Variants in LIMA1 observed in about 807,000 individuals in gnomAD.
LIMA1 encodes LIM domain and actin-binding protein 1.
A neutral mutation model predicts 62.6 loss-of-function variants in LIMA1; 52 were observed. That is an observed-to-expected ratio of 0.83 (90% CI 0.67 to 1.05). LIMA1 has a LOEUF of 1.05. Among genes scored for constraint, LIMA1 ranks in the 50% least tolerant of loss-of-function variants. The probability of loss-of-function intolerance (pLI) is 0.00; values close to 1 mark genes in which losing one functional copy is unlikely to be tolerated. For synonymous variants in LIMA1, 302 were observed against 317.8 expected (o/e 0.95, Z 0.53); for missense variants, 780 against 902.2 (o/e 0.86, Z 1.74).
chr12:50,270,282 C>A (rs192504468), intron 1 of LIMA1, among the ~76,000 whole-genome samples: 111 of 136,874 alleles, frequency 8.1e-4, no homozygotes, highest in African/African-American at 2.9e-3. Flanking sequence ...TAGGTGTTAT[C>A]AACGCATCAA....
chr12:50,216,232 C>T (rs1324446742), intron 4 of LIMA1, among the ~76,000 whole-genome samples: 2 of 151,956 alleles, frequency 1.3e-5, no homozygotes, highest in South Asian at 2.1e-4. Context: ...CTTTTCTTTT[C>T]GAGAGAAGTT....
intron 2 of LIMA1, among the ~76,000 whole-genome samples, chr12:50,243,801 T>C (rs749086680): frequency 1.3e-5 from 2 of 152,212 alleles, no homozygotes; most frequent in Non-Finnish European, 2.9e-5. Context: ...CAAACTCAAA[T>C]ATTAACTTCA....
rs551617837 is a variant in LIMA1 at position 50,223,249 on chromosome 12, C to T, written c.166-764G>A. 3.9e-5 allele frequency among the ~76,000 whole-genome samples: 6 copies of T among 152,052 alleles called. No homozygotes were observed. In the South Asian group the frequency reaches 1.2e-3, roughly 32 times the overall value. On this transcript the variant is annotated intron_variant, in intron 3 of 10. Coordinates refer to ENST00000341247, the MANE Select transcript of LIMA1 (RefSeq NM_016357.5). The stretch of plus-strand genomic sequence containing the variant: ...CCTGTAATCCCAGCACTTTGGGAGG[C>T]CGAGGCCGGCGGATCACAAGGTCAG...
At chr12:50,190,339 C>A (rs1940729453) in intron 9 of LIMA1, 1 of 150,638 alleles carries the variant, frequency 6.6e-6, no homozygotes, top group Non-Finnish European at 1.5e-5. Context: ...AATGTTATAC[C>A]CTTAGTATAA....
At chr12:50,211,972 A>AC (rs141978158) in intron 4 of LIMA1, among the ~76,000 whole-genome samples, 56,406 of 152,036 alleles carry the variant, frequency 0.37, 11,191 homozygotes, top group African/African-American at 0.5. Context: ...GCCTGGCCTC[A>AC]CCCACCCTGA....
chr12:50,195,692 T>C (rs1940912402), intron 8 of LIMA1, 138 bp downstream of exon 8: 1 of 782,874 alleles, frequency 1.3e-6, no homozygotes, highest in Non-Finnish European at 2.0e-6. Flanking sequence ...TAAAGGACAT[T>C]CAAGCATTAG....
intron 4 of LIMA1, among the ~76,000 whole-genome samples, chr12:50,210,810 T>A (rs1359073882): frequency 6.6e-6 from 1 of 152,188 alleles, no homozygotes; most frequent in Non-Finnish European, 1.5e-5. Flanking sequence ...AAACTCTGCA[T>A]TAATTTATTT....
Position 50,222,374 on chromosome 12 carries a change from T to C in LIMA1, c.277A>G (p.Ser93Gly), listed in dbSNP as rs760446106. ...AESHTDSLRN[S>G]STEIRHRADH... Reference sequence around the variant, plus strand: ...GCTCTGTGCCTAATCTCAGTGCTGCTGTTCCGTAGAGAGTCTGTGTGAGAC... The same window carrying C: ...GCTCTGTGCCTAATCTCAGTGCTGCCGTTCCGTAGAGAGTCTGTGTGAGAC... The change falls in exon 4 of 11, where the codon AGC becomes GGC. Residue 93 changes from serine to glycine, a missense_variant. By Grantham distance (56) the Ser-to-Gly change is moderately conservative. Coordinates refer to ENST00000341247, the MANE Select transcript of LIMA1 (RefSeq NM_016357.5). 6.2e-7 allele frequency: 1 copy of C among 1,614,168 alleles called. No homozygotes were observed. The highest frequency in any genetic ancestry group is 1.1e-5 in the South Asian group (1 of 91,082).
intron 7 of LIMA1, among the ~76,000 whole-genome samples, chr12:50,197,090 T>TC: frequency 6.6e-6 from 1 of 151,128 alleles, no homozygotes; most frequent in South Asian, 2.1e-4. Flanking sequence ...TTTTTTTTTT[T>TC]GAATGGAGTC....
At chr12:50,250,901 AG>A (rs1941921844) in intron 1 of LIMA1, among the ~76,000 whole-genome samples, 1 of 152,236 alleles carries the variant, frequency 6.6e-6, no homozygotes, top group South Asian at 2.1e-4. Context: ...AAGATAAAGA[AG>A]AAAAGACCCT....
At chr12:50,231,561 C>T (rs770609972) in intron 3 of LIMA1, 104 bp downstream of exon 3, 58 of 1,005,402 alleles carry the variant, frequency 5.8e-5, no homozygotes, top group Non-Finnish European at 8.4e-5. Flanking sequence ...CACAAATGTC[C>T]ACTCAGCTGA....
At chr12:50,277,536 ATGAGGCTC>A (rs1356110723) in intron 1 of LIMA1, among the ~76,000 whole-genome samples, 8 of 152,184 alleles carry the variant, frequency 5.3e-5, no homozygotes, top group Non-Finnish European at 1.0e-4. Context: ...CATTTTACAG[ATGAGGCTC>A]TGAGTCAATG....
intron 8 of LIMA1, among the ~76,000 whole-genome samples, chr12:50,193,578 T>G (rs1197222213): frequency 7.4e-6 from 1 of 134,948 alleles, no homozygotes; most frequent in Non-Finnish European, 1.5e-5. Flanking sequence ...ATGATATATA[T>G]ATACATGTAT....
At chr12:50,255,906 T>C (rs1401107814) in intron 1 of LIMA1, among the ~76,000 whole-genome samples, 1 of 152,164 alleles carries the variant, frequency 6.6e-6, no homozygotes, top group Non-Finnish European at 1.5e-5. Context: ...TATTTTTTTT[T>C]TGAGATGGAG....
chr12:50,228,638 A>C (rs1941566594), intron 3 of LIMA1, among the ~76,000 whole-genome samples: 1 of 152,160 alleles, frequency 6.6e-6, no homozygotes, highest in African/African-American at 2.4e-5. Flanking sequence ...TACCACTGAC[A>C]CTTTGACACA....
At chr12:50,197,310 T>C (rs555416318) in intron 7 of LIMA1, among the ~76,000 whole-genome samples, 55 of 152,190 alleles carry the variant, frequency 3.6e-4, no homozygotes, top group South Asian at 1.0e-3. Flanking sequence ...CCTCAGGTAA[T>C]CTGCCCACCT....
intron 1 of LIMA1, among the ~76,000 whole-genome samples, chr12:50,263,838 A>ATATATATATAGAGAGAG (rs1565862977): frequency 2.1e-5 from 2 of 97,140 alleles, no homozygotes; most frequent in African/African-American, 8.8e-5. Context: ...GAGAGAGTAT[A>ATATATATATAGAGAGAG]TATATATATA....
chr12:50,277,763 T>C (rs1025138859), intron 1 of LIMA1, among the ~76,000 whole-genome samples: 3 of 152,134 alleles, frequency 2.0e-5, no homozygotes, highest in African/African-American at 7.2e-5. Flanking sequence ...TTTGGTCTAA[T>C]AAAAGCCTGT....
In LIMA1 at chr12:50,222,102, A is replaced by G. The variant is rs1208223511; in HGVS notation, c.549T>C (p.Ala183=). 6.2e-7 allele frequency: 1 copy of G among 1,614,184 alleles called. No homozygotes were observed. Among genetic ancestry groups the G allele is most frequent in the Admixed American group, 1.7e-5 (1 of 60,016 alleles). The change falls in exon 4 of 11, where the codon GCT becomes GCC. Residue 183 remains alanine (A), a synonymous_variant. Transcript: ENST00000341247. ...CATTATATTTCTCTATTTTGCCCGAAGCATCTGTGTTTTCACTGATTTCTG... is the reference window on the plus strand; with the variant it reads ...CATTATATTTCTCTATTTTGCCCGAGGCATCTGTGTTTTCACTGATTTCTG... ...EKSEISENTD[A]SGKIEKYNVP... is the part of the protein sequence containing the mutation.
Sources: allele counts gnomAD v4.1 joint callset (sites outside exome capture counted in the v4.1 genomes callset), GRCh38; gene constraint gnomAD v4.1.1; transcripts MANE v1.5; gene names NCBI Gene and HGNC (gene_info 2026-07-23, HGNC 2026-07-21).